Variants in ME3 observed in about 807,000 individuals in gnomAD.
ME3 encodes NADP-dependent malic enzyme, mitochondrial.
A neutral mutation model predicts 68.9 loss-of-function variants in ME3; 48 were observed. The ratio of observed to expected loss-of-function variants is 0.70; its 90% CI spans 0.55 to 0.89. The LOEUF (loss-of-function observed/expected upper bound fraction) is 0.89, where lower values mean the gene tolerates loss of function less well. Among genes scored for constraint, ME3 ranks in the 40% least tolerant of loss-of-function variants. The probability of loss-of-function intolerance (pLI) is 0.00; values close to 1 mark genes in which losing one functional copy is unlikely to be tolerated. For missense variants in ME3, 675 were observed against 797.4 expected (o/e 0.85, Z 1.85); for synonymous variants, 320 against 318.8 (o/e 1.00, Z -0.04).
intron 2 of ME3, among the ~76,000 whole-genome samples, chr11:86,618,431 A>G (rs1037923188): frequency 2.6e-5 from 4 of 152,062 alleles, no homozygotes; most frequent in African/African-American, 9.7e-5. Flanking sequence ...AGCTAATACA[A>G]GGATTAAATG....
chr11:86,491,476 A>G (rs1006485941), intron 6 of ME3, among the ~76,000 whole-genome samples: 15 of 152,320 alleles, frequency 9.8e-5, no homozygotes, highest in Admixed American at 5.2e-4. Flanking sequence ...TTCAGAGGAA[A>G]GGCTGTGTAT....
intron 2 of ME3, among the ~76,000 whole-genome samples, chr11:86,637,795 T>G (rs969445658): frequency 6.6e-6 from 1 of 151,910 alleles, no homozygotes; most frequent in Non-Finnish European, 1.5e-5. Context: ...AAATTGGAGA[T>G]AAGGAAAATG....
At chr11:86,599,542 G>C (rs1026817253) in intron 2 of ME3, among the ~76,000 whole-genome samples, 5 of 152,170 alleles carry the variant, frequency 3.3e-5, no homozygotes, top group Non-Finnish European at 4.4e-5. Context: ...TTATTATCCA[G>C]GACAACTTCC....
intron 7 of ME3, among the ~76,000 whole-genome samples, chr11:86,480,093 G>A (rs184841397): frequency 1.6e-4 from 24 of 152,270 alleles, no homozygotes; most frequent in Admixed American, 5.2e-4. Context: ...TGCTGGGATT[G>A]TAGGCATGAG....
Position 86,518,628 on chromosome 11 carries a change from T to A in ME3, c.468-9761A>T, listed in dbSNP as rs1342876075. On this transcript the variant is annotated intron_variant, in intron 4 of 14. Coordinates refer to ENST00000543262, the Ensembl canonical transcript of ME3. ...AATTTGTGTATTTTTCTCTTGTTTA[T>A]GTGCCTGGTGTCAATTTGACTTCTA... Among the ~76,000 whole-genome samples, 4 of 152,236 alleles carry A rather than the reference T, an allele frequency of 2.6e-5. No homozygotes were observed. The South Asian group carries it at 8.3e-4, about 32-fold the overall frequency.
intron 2 of ME3, among the ~76,000 whole-genome samples, chr11:86,636,409 G>C (rs7940523): frequency 0.094 from 14,269 of 152,238 alleles, 692 homozygotes; most frequent in South Asian, 0.13. Context: ...AAGAGAGGGA[G>C]TGAGGTCATG....
At chr11:86,594,516 C>G (rs940740782) in intron 2 of ME3, among the ~76,000 whole-genome samples, 1 of 144,922 alleles carries the variant, frequency 6.9e-6, no homozygotes, top group African/African-American at 2.6e-5. Context: ...CATAAAAACA[C>G]CCCATCTCTA....
chr11:86,442,798 T>C (rs1949073225), intron 14 of ME3, 23 bp downstream of exon 14: 5 of 1,565,236 alleles, frequency 3.2e-6, no homozygotes, highest in Admixed American at 1.7e-5. Flanking sequence ...CTACCCATAT[T>C]ACAGGGGTAG....
At chr11:86,496,419 AGAAAAG>A (rs1048090567) in intron 6 of ME3, among the ~76,000 whole-genome samples, 6 of 152,058 alleles carry the variant, frequency 3.9e-5, no homozygotes, top group African/African-American at 1.4e-4. Flanking sequence ...AGAAAAGAAA[AGAAAAG>A]AAAAGAAAAG....
intron 2 of ME3, among the ~76,000 whole-genome samples, chr11:86,650,446 A>C (rs929475935): frequency 3.9e-5 from 6 of 152,228 alleles, no homozygotes; most frequent in Admixed American, 1.3e-4. Context: ...ACAGAAGCCA[A>C]AATTGACAAA....
chr11:86,459,736 T>C (rs896929685), intron 8 of ME3, among the ~76,000 whole-genome samples: 2 of 152,234 alleles, frequency 1.3e-5, no homozygotes, highest in Non-Finnish European at 1.5e-5. Context: ...GATTCAGACC[T>C]AGGCTTGTCT....
At chr11:86,509,658 G>A (rs1054319539) in intron 4 of ME3, among the ~76,000 whole-genome samples, 2 of 151,866 alleles carry the variant, frequency 1.3e-5, no homozygotes, top group Admixed American at 6.6e-5. Flanking sequence ...TGAAGAGGGG[G>A]TGGGTTCTGG....
intron 2 of ME3, among the ~76,000 whole-genome samples, chr11:86,646,140 T>G (rs10898518): frequency 0.2 from 29,877 of 152,158 alleles, 3,728 homozygotes; most frequent in East Asian, 0.56. Flanking sequence ...CCAGAATGCT[T>G]CTTCTCCTCA....
intron 2 of ME3, among the ~76,000 whole-genome samples, chr11:86,584,204 A>G (rs1282688514): frequency 6.6e-6 from 1 of 152,230 alleles, no homozygotes; most frequent in Non-Finnish European, 1.5e-5. Flanking sequence ...TCCAACAGGT[A>G]TATGAAAAGA....
chr11:86,490,638 T>C (rs1226233292), intron 6 of ME3, among the ~76,000 whole-genome samples: 1 of 152,286 alleles, frequency 6.6e-6, no homozygotes, highest in Non-Finnish European at 1.5e-5. Context: ...TACACAGATA[T>C]CATAATTATA....
chr11:86,513,951 C>T (rs1953714971), intron 4 of ME3, among the ~76,000 whole-genome samples: 1 of 152,054 alleles, frequency 6.6e-6, no homozygotes, highest in Non-Finnish European at 1.5e-5. Context: ...GGTTCTGGGT[C>T]CCCACCCAAA....
intron 2 of ME3, among the ~76,000 whole-genome samples, chr11:86,651,206 C>A (rs556748163): frequency 9.2e-5 from 14 of 152,184 alleles, no homozygotes; most frequent in Non-Finnish European, 1.9e-4. Flanking sequence ...GAAACCTCTG[C>A]AGACTTAAAT....
At chr11:86,551,078 G>GA (rs947654074) in intron 4 of ME3, among the ~76,000 whole-genome samples, 1 of 152,048 alleles carries the variant, frequency 6.6e-6, no homozygotes, top group African/African-American at 2.4e-5. Context: ...TATTGAGCGG[G>GA]AAGTAGGAAA....
chr11:86,547,094 C>G (rs150079753), intron 4 of ME3, among the ~76,000 whole-genome samples: 19 of 151,700 alleles, frequency 1.3e-4, no homozygotes, highest in South Asian at 1.2e-3. Flanking sequence ...AAAAATTAGC[C>G]GGGTATGGTG....
Sources: allele counts gnomAD v4.1 joint callset (sites outside exome capture counted in the v4.1 genomes callset), GRCh38; gene constraint gnomAD v4.1.1; transcripts MANE v1.5; gene names NCBI Gene and HGNC (gene_info 2026-07-23, HGNC 2026-07-21).